The following EPHA7 variants were observed in gnomAD, a reference collection of about 807,000 sequenced individuals.
EPHA7 encodes the protein ephrin type-A receptor 7.
A neutral mutation model predicts 112.6 loss-of-function variants in EPHA7; 25 were observed. The observed-to-expected ratio is 0.22, with a 90% CI of 0.16 to 0.31. The LOEUF (loss-of-function observed/expected upper bound fraction) is 0.31, where lower values mean the gene tolerates loss of function less well. EPHA7 is among the 10% of genes least tolerant of loss of function. The pLI is 1.00. For missense variants in EPHA7, 962 were observed against 1,212.6 expected (o/e 0.79, Z 3.07); for synonymous variants, 437 against 406.5 (o/e 1.07, Z -0.90).
intron 1 of EPHA7, among the ~76,000 whole-genome samples, chr6:93,416,923 C>G (rs1779263431): frequency 6.6e-6 from 1 of 152,098 alleles, no homozygotes; most frequent in Non-Finnish European, 1.5e-5. Context: ...GCGCGCCAGC[C>G]GCGCCAAGCA....
chr6:93,375,860 A>G (rs1777033840), intron 3 of EPHA7, among the ~76,000 whole-genome samples: 1 of 152,176 alleles, frequency 6.6e-6, no homozygotes, highest in South Asian at 2.1e-4. Context: ...TTCTAAAGGC[A>G]ACTAAGAAAA....
At chr6:93,273,325 T>G (rs1203464777) in intron 5 of EPHA7, among the ~76,000 whole-genome samples, 2 of 151,942 alleles carry the variant, frequency 1.3e-5, no homozygotes, top group Admixed American at 1.3e-4. Flanking sequence ...GTCATTATGT[T>G]TCATGTACCA....
chr6:93,367,206 A>G (rs1240071877), intron 3 of EPHA7, among the ~76,000 whole-genome samples: 1 of 152,186 alleles, frequency 6.6e-6, no homozygotes, highest in Non-Finnish European at 1.5e-5. Context: ...CTTTATGAAC[A>G]AGAGGCAACA....
At chr6:93,417,874 G>A (rs1779320616) in intron 1 of EPHA7, among the ~76,000 whole-genome samples, 1 of 152,194 alleles carries the variant, frequency 6.6e-6, no homozygotes, top group South Asian at 2.1e-4. Flanking sequence ...GGGGTCAGAA[G>A]GTCAGGCTGA....
intron 7 of EPHA7, among the ~76,000 whole-genome samples, chr6:93,266,800 G>T (rs1417067783): frequency 6.6e-6 from 1 of 151,742 alleles, no homozygotes; most frequent in East Asian, 2.0e-4. Flanking sequence ...CAGAATCTGT[G>T]TACCTGTCCC....
intron 5 of EPHA7, among the ~76,000 whole-genome samples, chr6:93,317,348 G>A (rs1348455875): frequency 6.6e-6 from 1 of 152,008 alleles, no homozygotes; most frequent in Non-Finnish European, 1.5e-5. Flanking sequence ...AGGAATGCAT[G>A]GTATAAAAGG....
At chr6:93,380,982 C>T (rs1777307011) in intron 3 of EPHA7, among the ~76,000 whole-genome samples, 1 of 152,124 alleles carries the variant, frequency 6.6e-6, no homozygotes, top group Non-Finnish European at 1.5e-5. Flanking sequence ...ACGGTGACTG[C>T]CTTGTTTCCA....
At chr6:93,363,046 C>A (rs916587506) in intron 3 of EPHA7, among the ~76,000 whole-genome samples, 10 of 152,106 alleles carry the variant, frequency 6.6e-5, no homozygotes, top group African/African-American at 2.4e-4. Flanking sequence ...ATACTTCACA[C>A]CATCCTGAAC....
At chr6:93,248,037 G>T (rs548394603) in intron 14 of EPHA7, among the ~76,000 whole-genome samples, 1 of 152,108 alleles carries the variant, frequency 6.6e-6, no homozygotes, top group Non-Finnish European at 1.5e-5. Context: ...CACTAAAACA[G>T]CATTCGAGGG....
In EPHA7 at chr6:93,410,786, A is replaced by G. The variant is rs1418432799; in HGVS notation, c.547T>C (p.Tyr183His). The change falls in exon 3 of 17, where the codon TAT becomes CAT. Residue 183 changes from tyrosine to histidine, a missense_variant. Tyr to His is a moderately conservative substitution (Grantham distance 83). Coordinates refer to ENST00000369303, the MANE Select transcript of EPHA7 (RefSeq NM_004440.4). The surrounding 1 kb of genome is among the most constrained non-coding windows in gnomAD (Gnocchi z 4.0). ...GCCCCTACATCCTGAAAGGCAAGATAGAATCCCTTTTTGGACAAAGGTCCA... is the reference window on the plus strand; with the variant it reads ...GCCCCTACATCCTGAAAGGCAAGATGGAATCCCTTTTTGGACAAAGGTCCA... Reference protein sequence around the residue: ...EIGPLSKKGFYLAFQDVGACI... With the variant: ...EIGPLSKKGFHLAFQDVGACI... The G allele has an allele frequency of 1.2e-6, 2 of 1,614,022 alleles. No individual in the cohort carries two copies. Among genetic ancestry groups the G allele is most frequent in the African/African-American group, 2.7e-5 (2 of 74,944 alleles).
intron 5 of EPHA7, among the ~76,000 whole-genome samples, chr6:93,356,495 G>A (rs565235471): frequency 1.3e-4 from 20 of 152,190 alleles, no homozygotes; most frequent in African/African-American, 4.6e-4. Context: ...GAGCCACCGC[G>A]CCTGGCCAAT....
intron 14 of EPHA7, among the ~76,000 whole-genome samples, chr6:93,251,716 G>A (rs1400052031): frequency 6.6e-6 from 1 of 151,794 alleles, no homozygotes; most frequent in Non-Finnish European, 1.5e-5. Flanking sequence ...GTTAAAAGAT[G>A]GCTGCTGTGA....
chr6:93,297,660 A>T (rs576425227), intron 5 of EPHA7, among the ~76,000 whole-genome samples: 2 of 152,256 alleles, frequency 1.3e-5, no homozygotes, highest in South Asian at 4.1e-4. Flanking sequence ...ACTGGTTATT[A>T]AAATAAAAGC....
At chr6:93,283,013 G>C (rs188294293) in intron 5 of EPHA7, among the ~76,000 whole-genome samples, 1 of 152,340 alleles carries the variant, frequency 6.6e-6, no homozygotes, top group Admixed American at 6.5e-5. Flanking sequence ...GGGACTGGCA[G>C]GCAGCTCCAC....
At chr6:93,248,689 A>G (rs181395992) in intron 14 of EPHA7, among the ~76,000 whole-genome samples, 59 of 152,000 alleles carry the variant, frequency 3.9e-4, no homozygotes, top group African/African-American at 1.4e-3. Context: ...ACAAACAAAC[A>G]AACAAACAAC....
intron 5 of EPHA7, among the ~76,000 whole-genome samples, chr6:93,331,926 C>A (rs1222537830): frequency 1.3e-5 from 2 of 151,506 alleles, no homozygotes; most frequent in Non-Finnish European, 3.0e-5. Flanking sequence ...AGACAACATG[C>A]CACATTGCCT....
At chr6:93,363,613 G>T (rs1339130537) in intron 3 of EPHA7, among the ~76,000 whole-genome samples, 1 of 152,134 alleles carries the variant, frequency 6.6e-6, no homozygotes, top group Non-Finnish European at 1.5e-5. Context: ...CACTGCTTGT[G>T]GGAATGTAAA....
chr6:93,298,109 T>A lies in EPHA7; in HGVS notation c.1325-25687A>T, dbSNP rs528036755. ...TAGCCACAAAATAAATAATAAAGAATTAAATAAGACCAGAAAGTCTAGAAA... is the reference window on the plus strand; with the variant it reads ...TAGCCACAAAATAAATAATAAAGAAATAAATAAGACCAGAAAGTCTAGAAA... On this transcript the variant is annotated intron_variant, in intron 5 of 16. Transcript: ENST00000369303. Among the ~76,000 whole-genome samples, 12 of 152,126 alleles carry A rather than the reference T, an allele frequency of 7.9e-5. No homozygotes were observed. The East Asian group carries it at 2.3e-3, about 29-fold the overall frequency.
At chr6:93,266,589 A>C (rs565832273) in intron 7 of EPHA7, among the ~76,000 whole-genome samples, 2 of 151,862 alleles carry the variant, frequency 1.3e-5, no homozygotes, top group Admixed American at 1.3e-4. Flanking sequence ...GAAACAGTAG[A>C]TAGGATACTG....
Sources: gnomAD v4.1 joint callset for allele counts (sites outside exome capture counted in the v4.1 genomes callset) on GRCh38, gnomAD v4.1.1 for gene constraint, Gnocchi (gnomAD v3.1) non-coding constraint, MANE v1.5 for transcripts, NCBI Gene and HGNC (gene_info 2026-07-23, HGNC 2026-07-21) for gene names.